PAPPA2: variants seen among roughly 807,000 people sequenced by gnomAD.
The protein encoded by PAPPA2 is pappalysin 2, also known as pappalysin-2.
In PAPPA2, 86 loss-of-function variants were observed where a neutral mutation model predicts 176.4. The ratio of observed to expected loss-of-function variants is 0.49; its 90% CI spans 0.41 to 0.58. The LOEUF (loss-of-function observed/expected upper bound fraction) is 0.58, where lower values mean the gene tolerates loss of function less well. Among genes scored for constraint, PAPPA2 ranks in the 20% least tolerant of loss-of-function variants. The pLI is 0.00. For synonymous variants in PAPPA2, 809 were observed against 852.2 expected (o/e 0.95, Z 0.88); for missense variants, 2,073 against 2,256.9 (o/e 0.92, Z 1.65).
intron 6 of PAPPA2, among the ~76,000 whole-genome samples, chr1:176,695,248 A>G (rs1206125934): frequency 6.6e-6 from 1 of 152,226 alleles, no homozygotes; most frequent in Admixed American, 6.5e-5. Context: ...GCCAAGAGAC[A>G]TTACATTTCA....
Position 176,691,030 on chromosome 1 carries a change from T to A in PAPPA2, c.2431+600T>A, listed in dbSNP as rs551031699. 7.1e-6 allele frequency: 7 copies of A among 985,370 alleles called. No homozygotes were observed. The African/African-American group carries it at 1.2e-4, about 17-fold the overall frequency. The allele number at this position is 985,370 out of a possible 1,614,324, so 61.0% of individuals were successfully genotyped here. ...GACATCTAATTTTAAAAAAATGGCATCTTCCTGGCCCTCGGAAAAACTTGT... is the reference window on the plus strand; with the variant it reads ...GACATCTAATTTTAAAAAAATGGCAACTTCCTGGCCCTCGGAAAAACTTGT... On this transcript the variant is annotated intron_variant, in intron 5 of 22. Transcript: ENST00000367662.
chr1:176,623,618 C>CTTA (rs1558479058), intron 3 of PAPPA2, among the ~76,000 whole-genome samples: 2 of 75,276 alleles, frequency 2.7e-5, no homozygotes, highest in African/African-American at 1.2e-4. Flanking sequence ...TTCCTTCCTT[C>CTTA]CTTCCTTTTT....
At chr1:176,582,148 C>G (rs962192863) in intron 2 of PAPPA2, among the ~76,000 whole-genome samples, 3 of 151,898 alleles carry the variant, frequency 2.0e-5, no homozygotes, top group Non-Finnish European at 4.4e-5. Flanking sequence ...AGGATAGTCT[C>G]GATCTCCTGA....
chr1:176,610,332 C>G (rs1654840310), intron 3 of PAPPA2, among the ~76,000 whole-genome samples: 1 of 106,346 alleles, frequency 9.4e-6, no homozygotes, highest in African/African-American at 5.4e-5. Context: ...ATTAATGCTG[C>G]AAAGTTGTGT....
chr1:176,656,981 G>A (rs562302036), intron 3 of PAPPA2, among the ~76,000 whole-genome samples: 1 of 151,810 alleles, frequency 6.6e-6, no homozygotes, highest in Non-Finnish European at 1.5e-5. Context: ...GAATTACTGG[G>A]CAACTACTAA....
intron 3 of PAPPA2, among the ~76,000 whole-genome samples, chr1:176,604,500 G>A (rs188667218): frequency 7.9e-5 from 12 of 152,278 alleles, no homozygotes; most frequent in African/African-American, 2.2e-4. Context: ...GGTCTATCAC[G>A]TGTTTTTGTA....
intron 2 of PAPPA2, among the ~76,000 whole-genome samples, chr1:176,566,743 C>T (rs1296906026): frequency 1.3e-5 from 2 of 152,222 alleles, no homozygotes; most frequent in African/African-American, 4.8e-5. Context: ...CCTGCCTCCT[C>T]CTTTTTGCAC....
At chr1:176,657,171 T>G (rs1421026768) in intron 3 of PAPPA2, among the ~76,000 whole-genome samples, 1 of 151,794 alleles carries the variant, frequency 6.6e-6, no homozygotes, top group East Asian at 1.9e-4. Flanking sequence ...AGACCAGGAT[T>G]TAGGGTATTA....
intron 3 of PAPPA2, among the ~76,000 whole-genome samples, chr1:176,639,071 A>C (rs1447489919): frequency 6.6e-6 from 1 of 151,856 alleles, no homozygotes; most frequent in East Asian, 1.9e-4. Context: ...AAAAAAATAA[A>C]AGATGAGGCT....
chr1:176,783,436 A>G (rs1043464318), intron 17 of PAPPA2, among the ~76,000 whole-genome samples: 1 of 152,222 alleles, frequency 6.6e-6, no homozygotes, highest in South Asian at 2.1e-4. Flanking sequence ...CTCAAGCAAC[A>G]TCAATCAAAC....
rs115124145 is a variant in PAPPA2, at chr1:176,786,106, A to G, written c.4716-3703A>G. Among the ~76,000 whole-genome samples the G allele has an allele frequency of 2.9e-3, 446 of 152,252 alleles. 1 individual carries two copies. Among genetic ancestry groups the G allele is most frequent in the Middle Eastern group, 0.01 (3 of 294 alleles). ...GTAGAAAGAAGAGAGTCCCCGGAGG[A>G]TATAAACTCTGCAGTGTGAAGGAGG... On this transcript the variant is annotated intron_variant, in intron 17 of 22. Coordinates refer to ENST00000367662, the MANE Select transcript of PAPPA2 (RefSeq NM_020318.3).
chr1:176,615,223 G>A (rs1655135994), intron 3 of PAPPA2, among the ~76,000 whole-genome samples: 2 of 152,182 alleles, frequency 1.3e-5, no homozygotes, highest in Non-Finnish European at 2.9e-5. Context: ...ACCTCAGAGT[G>A]CAAATATTAA....
chr1:176,498,874 G>A (rs1235281940), intron 1 of PAPPA2, among the ~76,000 whole-genome samples: 2 of 152,144 alleles, frequency 1.3e-5, no homozygotes, highest in Non-Finnish European at 2.9e-5. Context: ...AACCTCTGGA[G>A]CCACTCACAC....
At position 176,555,494 on chromosome 1, in the gene PAPPA2, T is replaced by A. The variant is rs915427937; in HGVS notation, c.-829T>A. The A allele has an allele frequency of 6.6e-6, 1 of 152,230 alleles. No individual in the cohort carries two copies. The highest frequency in any genetic ancestry group is 1.5e-5 in the Non-Finnish European group (1 of 68,070). 9.4% of individuals were successfully genotyped at this position (152,230 alleles called of 1,614,324 possible). ...AGCAAACTGGCACCCCAAAGAACTT[T>A]ACGGAGACTTGCAACCTATCAACAA... On this transcript the variant is annotated 5_prime_UTR_variant, in exon 2 of 23. Coordinates refer to ENST00000367662, the MANE Select transcript of PAPPA2 (RefSeq NM_020318.3).
At chr1:176,616,666 C>T in intron 3 of PAPPA2, 1 of 1,555,924 alleles carries the variant, frequency 6.4e-7, no homozygotes, top group Non-Finnish European at 8.8e-7. Context: ...ATTGTGGTAG[C>T]TCCATACTTC....
At chr1:176,801,918 T>C (rs1483732188) in intron 21 of PAPPA2, among the ~76,000 whole-genome samples, 1 of 152,108 alleles carries the variant, frequency 6.6e-6, no homozygotes, top group Non-Finnish European at 1.5e-5. Context: ...CGTCAGTCCC[T>C]TTGTTGATGT....
chr1:176,749,441 A>G (rs974623254), intron 14 of PAPPA2, among the ~76,000 whole-genome samples: 1 of 152,214 alleles, frequency 6.6e-6, no homozygotes, highest in South Asian at 2.1e-4. Context: ...ACCTACGTTG[A>G]CACATCATAA....
At chr1:176,789,167 TA>T (rs1665067654) in intron 17 of PAPPA2, among the ~76,000 whole-genome samples, 2 of 152,288 alleles carry the variant, frequency 1.3e-5, no homozygotes, top group African/African-American at 4.8e-5. Context: ...CCAACAATGA[TA>T]GACTGGATTA....
chr1:176,837,478 CAAAAA>C (rs35134966), intron 21 of PAPPA2, among the ~76,000 whole-genome samples: 21 of 94,778 alleles, frequency 2.2e-4, no homozygotes, highest in African/African-American at 6.2e-4. Flanking sequence ...TGTTAAAAGG[CAAAAA>C]AAAAAAAAAA....
Sources: allele counts gnomAD v4.1 joint callset (sites outside exome capture counted in the v4.1 genomes callset), GRCh38; gene constraint gnomAD v4.1.1; transcripts MANE v1.5; gene names NCBI Gene and HGNC (gene_info 2026-07-23, HGNC 2026-07-21).